The following HGF variants were observed in gnomAD, a reference collection of about 807,000 sequenced individuals.
HGF encodes hepatocyte growth factor.
HGF carries 39 observed loss-of-function variants against 111.6 expected under a neutral mutation model. The observed-to-expected ratio is 0.35, with a 90% CI of 0.27 to 0.46. The LOEUF (loss-of-function observed/expected upper bound fraction) is 0.46. Ranked by LOEUF, HGF falls within the 20% of genes least tolerant of loss-of-function variation. The probability of loss-of-function intolerance (pLI) is 1.00; values close to 1 mark genes in which losing one functional copy is unlikely to be tolerated. For missense variants in HGF, 735 were observed against 910.5 expected (o/e 0.81, Z 2.48); for synonymous variants, 285 against 294.8 (o/e 0.97, Z 0.34).
chr7:81,745,802 G>A (rs551445663), intron 5 of HGF, among the ~76,000 whole-genome samples: 2 of 152,300 alleles, frequency 1.3e-5, no homozygotes, highest in African/African-American at 2.4e-5. Flanking sequence ...AAATGTATAA[G>A]CTAATGTAAT....
chr7:81,758,753 A>G lies in HGF; in HGVS notation c.306T>C (p.Asn102=), dbSNP rs752305781. ...CTTTTTTCACTCCACTTGACATGCT[A>G]TTGAAGGGGAACCAGAGGCATTGTT... ...ARKQCLWFPF[N]SMSSGVKKEF... is the part of the protein sequence containing the mutation. The change falls in exon 3 of 18, where the codon AAT becomes AAC. Residue 102 remains asparagine, a synonymous_variant. Transcript: ENST00000222390. 6 of 1,613,340 alleles carry G rather than the reference A, an allele frequency of 3.7e-6. No homozygotes were observed. The highest frequency in any genetic ancestry group is 1.7e-5 in the Admixed American group (1 of 60,008).
chr7:81,745,247 C>T, intron 5 of HGF, 127 bp from the exon 6 acceptor site: 1 of 932,856 alleles, frequency 1.1e-6, no homozygotes, highest in South Asian at 1.4e-5. Context: ...ATCATTCTAA[C>T]TTTTTATTAG....
intron 2 of HGF, among the ~76,000 whole-genome samples, chr7:81,761,842 C>G (rs761670628): frequency 3.3e-5 from 5 of 151,998 alleles, no homozygotes; most frequent in African/African-American, 7.2e-5. Context: ...TGGGATGAAA[C>G]TGTTCCACTT....
chr7:81,762,917 G>GTTTA, intron 1 of HGF, 45 bp from the exon 2 acceptor site: 1 of 1,133,706 alleles, frequency 8.8e-7, no homozygotes, highest in Non-Finnish European at 1.3e-6. Context: ...TTGGAGAAAT[G>GTTTA]TTTTTAAGGC....
At chr7:81,738,756 G>T (rs1421415028) in intron 7 of HGF, among the ~76,000 whole-genome samples, 1 of 152,084 alleles carries the variant, frequency 6.6e-6, no homozygotes, top group Non-Finnish European at 1.5e-5. Context: ...TTACTGGTTT[G>T]TGTTAAAAAT....
intron 9 of HGF, among the ~76,000 whole-genome samples, chr7:81,725,415 T>C (rs2115900175): frequency 6.6e-6 from 1 of 152,324 alleles, no homozygotes; most frequent in South Asian, 2.1e-4. Flanking sequence ...TGGCACATGC[T>C]GCTCCCTCAC....
chr7:81,728,984 A>C (rs898293031), intron 8 of HGF, among the ~76,000 whole-genome samples: 3 of 152,202 alleles, frequency 2.0e-5, no homozygotes, highest in Non-Finnish European at 2.9e-5. Flanking sequence ...TGGTGTGAAA[A>C]GTACCCATAG....
intron 10 of HGF, 65 bp downstream of exon 10, chr7:81,720,680 T>C (rs1313421474): frequency 4.5e-6 from 4 of 880,412 alleles, no homozygotes; most frequent in Non-Finnish European, 7.7e-6. Flanking sequence ...GCAATGTACA[T>C]ATCTAAATAC....
intron 13 of HGF, 100 bp downstream of exon 13, chr7:81,710,047 G>T: frequency 1.2e-6 from 1 of 827,216 alleles, no homozygotes; most frequent in Non-Finnish European, 2.1e-6. Context: ...GTGCCCTGTG[G>T]AGGGTACAAC....
chr7:81,730,630 T>C (rs1436106900), intron 7 of HGF, among the ~76,000 whole-genome samples: 1 of 59,664 alleles, frequency 1.7e-5, no homozygotes, highest in East Asian at 6.7e-4. Flanking sequence ...AAACCCTCAG[T>C]CACTAAGTAA....
At chr7:81,745,253 A>G in intron 5 of HGF, 133 bp from the exon 6 acceptor site, 1 of 846,588 alleles carries the variant, frequency 1.2e-6, no homozygotes, top group East Asian at 2.6e-5. Flanking sequence ...CTAACTTTTT[A>G]TTAGGGCCTA....
intron 10 of HGF, among the ~76,000 whole-genome samples, chr7:81,718,497 C>T (rs1789772289): frequency 6.6e-6 from 1 of 152,214 alleles, no homozygotes; most frequent in South Asian, 2.1e-4. Context: ...GCTCTGTCTC[C>T]TACTTACAAA....
At position 81,724,064 on chromosome 7, in the gene HGF, C is replaced by T. The variant is rs192352495; in HGVS notation, c.1168+1826G>A. Reference sequence around the variant, plus strand: ...CTATTACCTGATCCTTTTTAAGTGACGTATATGTATATAAAATATCTTAAT... The same window carrying T: ...CTATTACCTGATCCTTTTTAAGTGATGTATATGTATATAAAATATCTTAAT... On this transcript the variant is annotated intron_variant, in intron 9 of 17. Coordinates refer to ENST00000222390, the MANE Select transcript of HGF (RefSeq NM_000601.6). 1.5e-4 allele frequency among the ~76,000 whole-genome samples: 23 copies of T among 152,090 alleles called. No individual in the cohort carries two copies. The East Asian group carries it at 1.5e-3, about 10-fold the overall frequency.
intron 9 of HGF, among the ~76,000 whole-genome samples, chr7:81,725,393 C>T (rs1583944379): frequency 6.6e-6 from 1 of 152,304 alleles, no homozygotes. Flanking sequence ...TACTCTTACA[C>T]ATATATGTGC....
chr7:81,726,608 G>T (rs1463415605), intron 8 of HGF, among the ~76,000 whole-genome samples: 1 of 151,884 alleles, frequency 6.6e-6, no homozygotes, highest in African/African-American at 2.4e-5. Context: ...ATTTAGAGAG[G>T]TTACCTAAAA....
intron 5 of HGF, among the ~76,000 whole-genome samples, chr7:81,747,902 C>T (rs1328728597): frequency 6.6e-6 from 1 of 152,100 alleles, no homozygotes; most frequent in African/African-American, 2.4e-5. Context: ...CACTGCACCA[C>T]TCCAGCCTGG....
rs564182731 is a variant in HGF at position 81,742,725 on chromosome 7, A to G, written c.865+628T>C. The G allele has an allele frequency of 5.6e-6, 8 of 1,428,798 alleles. No individual in the cohort carries two copies. In the Admixed American group the frequency reaches 2.0e-4, roughly 35 times the overall value. 88.5% of individuals were successfully genotyped at this position (1,428,798 alleles called of 1,614,324 possible). On this transcript the variant is annotated intron_variant, in intron 7 of 17. Coordinates refer to ENST00000222390, the MANE Select transcript of HGF (RefSeq NM_000601.6). ...AAATAGTTTTTATTGTAAATTCAGA[A>G]AAGCTAGGTAAGGGCCAGCATGTAG...
At chr7:81,731,369 AGATG>A (rs1787650281) in intron 7 of HGF, among the ~76,000 whole-genome samples, 7 of 152,304 alleles carry the variant, frequency 4.6e-5, no homozygotes, top group Admixed American at 4.6e-4. Flanking sequence ...ACTCAAATGA[AGATG>A]AAAAATGTTC....
Position 81,701,306 on chromosome 7 carries a change from T to G in HGF, c.*1275A>C, listed in dbSNP as rs1485013022. ...AAAAAAAAATAAATGAATACAGAGT[T>G]GAGACAAACTAGTTTCTTTCCTTTT... is the stretch of plus-strand genomic sequence containing the variant. On this transcript the variant is annotated 3_prime_UTR_variant, in exon 18 of 18. Transcript: ENST00000222390. The G allele has an allele frequency of 2.6e-5, 4 of 151,552 alleles. No individual in the cohort carries two copies. The highest frequency in any genetic ancestry group is 5.9e-5 in the Non-Finnish European group (4 of 67,642). 9.4% of individuals were successfully genotyped at this position (151,552 alleles called of 1,614,324 possible).
Sources: allele counts gnomAD v4.1 joint callset (sites outside exome capture counted in the v4.1 genomes callset), GRCh38; gene constraint gnomAD v4.1.1; transcripts MANE v1.5; gene names NCBI Gene and HGNC (gene_info 2026-07-23, HGNC 2026-07-21).